Variants in FMN2 observed in about 807,000 individuals in gnomAD.
The protein encoded by FMN2 is formin 2.
FMN2 carries 51 observed loss-of-function variants against 142.3 expected under a neutral mutation model. The observed-to-expected ratio is 0.36, with a 90% CI of 0.29 to 0.45. The LOEUF (loss-of-function observed/expected upper bound fraction) is 0.45. Ranked by LOEUF, FMN2 falls within the 20% of genes least tolerant of loss-of-function variation. The probability of loss-of-function intolerance (pLI) is 1.00; values close to 1 mark genes in which losing one functional copy is unlikely to be tolerated. For missense variants in FMN2, 1,936 were observed against 2,122.8 expected, an observed-to-expected ratio of 0.91 and a Z score of 1.73; for synonymous variants, 882 against 869.8, an observed-to-expected ratio of 1.01 and a Z score of -0.25.
chr1:240,280,366 G>C (rs1160038243), intron 7 of FMN2, among the ~76,000 whole-genome samples: 1 of 151,904 alleles, frequency 6.6e-6, no homozygotes, highest in Non-Finnish European at 1.5e-5. Context: ...ACTGAAAAAA[G>C]ATGATTCTTA....
rs549059667 is a variant in FMN2, at chr1:240,153,553, C to T, written c.1783-24368C>T. On this transcript the variant is annotated intron_variant, in intron 2 of 17. Transcript: ENST00000319653. ...TTATTTATTTATTTTTTTGTAGAGA[C>T]GAGGTCTCACTATGTTGTCCAGGCT... Among the ~76,000 whole-genome samples, 44 of 151,764 alleles carry T rather than the reference C, an allele frequency of 2.9e-4. 1 individual carries two copies. Among genetic ancestry groups the T allele is most frequent in the South Asian group, 1.0e-3 (5 of 4,808 alleles).
rs986866023 is a variant in FMN2 at position 240,142,680 on chromosome 1, T to C, written c.1782+19335T>C. 2.9e-5 allele frequency: 47 copies of C among 1,610,364 alleles called. No individual in the cohort carries two copies. In the African/African-American group the frequency reaches 5.2e-4, roughly 18 times the overall value. On this transcript the variant is annotated intron_variant, in intron 2 of 17. Transcript: ENST00000319653. ...CCTGGTGGTCACTTAGAGATCATAA[T>C]TGGGGTTCTTCCGAAGGATAACAAA...
At chr1:240,149,601 T>C (rs1042888717) in intron 2 of FMN2, among the ~76,000 whole-genome samples, 6 of 152,248 alleles carry the variant, frequency 3.9e-5, no homozygotes, top group Non-Finnish European at 8.8e-5. Flanking sequence ...CAGTCAAAAA[T>C]AGAACTCCTC....
chr1:240,126,154 C>A (rs1335455723), intron 2 of FMN2, among the ~76,000 whole-genome samples: 1 of 152,126 alleles, frequency 6.6e-6, no homozygotes, highest in East Asian at 1.9e-4. Context: ...TATAATGATA[C>A]AGGGGGTTCT....
At chr1:240,111,637 T>C (rs1336262674) in intron 1 of FMN2, among the ~76,000 whole-genome samples, 1 of 152,120 alleles carries the variant, frequency 6.6e-6, no homozygotes. Flanking sequence ...TTTACTGCAA[T>C]CTGTCTTATC....
chr1:240,393,547 A>G (rs1673678575), intron 15 of FMN2, among the ~76,000 whole-genome samples: 1 of 152,226 alleles, frequency 6.6e-6, no homozygotes, highest in African/African-American at 2.4e-5. Flanking sequence ...ATTACCCAAC[A>G]GTGGCCTCTA....
chr1:240,248,671 C>T lies in FMN2; in HGVS notation c.4066-9274C>T, dbSNP rs1439993936. ...CTATTTTTAGTTTTTTGAAATATTT[C>T]CATATTGTTTTCCATAGTGACTGTA... On this transcript the variant is annotated intron_variant, in intron 6 of 17. Transcript: ENST00000319653. Among the ~76,000 whole-genome samples the T allele has an allele frequency of 1.3e-5, 2 of 151,666 alleles. 1 individual carries two copies. Among genetic ancestry groups the T allele is most frequent in the Admixed American group, 1.3e-4 (2 of 15,210 alleles).
At chr1:240,170,135 C>T in intron 2 of FMN2, 1 of 671,646 alleles carries the variant, frequency 1.5e-6, no homozygotes, top group Non-Finnish European at 2.6e-6. Context: ...CATTAATATA[C>T]AGTCCATCCC....
chr1:240,157,106 A>G (rs1007043475), intron 2 of FMN2, among the ~76,000 whole-genome samples: 3 of 152,206 alleles, frequency 2.0e-5, no homozygotes, highest in African/African-American at 7.2e-5. Context: ...AGTCTACCGC[A>G]CAGCTTACAT....
rs142717626 is a variant in FMN2, at chr1:240,361,822, A to G, written c.4858+5914A>G. 2.0e-3 allele frequency among the ~76,000 whole-genome samples: 300 copies of G among 152,342 alleles called. 1 individual carries two copies. Among genetic ancestry groups the G allele is most frequent in the African/African-American group, 6.6e-3 (273 of 41,576 alleles). On this transcript the variant is annotated intron_variant, in intron 14 of 17. Coordinates refer to ENST00000319653, the MANE Select transcript of FMN2 (RefSeq NM_020066.5). ...GATGTGGTCACCTAGGAGGTTAAGA[A>G]AAATTAGATCCAGGGATAGTATTCT... is the stretch of plus-strand genomic sequence containing the variant.
chr1:240,220,962 G>A (rs1667090805), intron 6 of FMN2, among the ~76,000 whole-genome samples: 1 of 152,056 alleles, frequency 6.6e-6, no homozygotes. Context: ...GTGAGAACAT[G>A]CAGTATTTGG....
At chr1:240,430,550 C>A (rs1025731152) in intron 15 of FMN2, among the ~76,000 whole-genome samples, 49 of 151,768 alleles carry the variant, frequency 3.2e-4, no homozygotes, top group Non-Finnish European at 7.4e-5. Context: ...CTTTTTGTGT[C>A]TTATGTAATA....
intron 3 of FMN2, among the ~76,000 whole-genome samples, chr1:240,187,152 C>T (rs1293658768): frequency 2.0e-5 from 3 of 150,036 alleles, no homozygotes; most frequent in Non-Finnish European, 3.0e-5. Flanking sequence ...TGCCTATAAT[C>T]CCAGCTATTC....
At chr1:240,440,924 C>T (rs1422748576) in intron 16 of FMN2, among the ~76,000 whole-genome samples, 2 of 151,654 alleles carry the variant, frequency 1.3e-5, no homozygotes, top group African/African-American at 4.9e-5. Flanking sequence ...CCACAGAGCC[C>T]TTCTAAGGGT....
chr1:240,287,846 G>A (rs1180416108), intron 7 of FMN2, among the ~76,000 whole-genome samples: 1 of 152,150 alleles, frequency 6.6e-6, no homozygotes, highest in Non-Finnish European at 1.5e-5. Context: ...GGTCCATTCT[G>A]CAGATGAGGA....
chr1:240,435,872 G>A (rs1022687208), intron 15 of FMN2, among the ~76,000 whole-genome samples: 1 of 152,148 alleles, frequency 6.6e-6, no homozygotes, highest in African/African-American at 2.4e-5. Context: ...AGGTGGGCTT[G>A]CTCTGAAATA....
In FMN2 at chr1:240,357,709, G is replaced by C. The variant is rs987522045; in HGVS notation, c.4858+1801G>C. Among the ~76,000 whole-genome samples, 3 of 150,802 alleles carry C rather than the reference G, an allele frequency of 2.0e-5. No homozygotes were observed. In the Admixed American group the frequency reaches 2.0e-4, roughly 10 times the overall value. On this transcript the variant is annotated intron_variant, in intron 14 of 17. Coordinates refer to ENST00000319653, the MANE Select transcript of FMN2 (RefSeq NM_020066.5). ...TGCAACCTCCACCTCCCAGGTTCAA[G>C]TGATTCTCCTGCCTCAGCCTCCCGA...
At chr1:240,114,689 C>T (rs1164812841) in intron 1 of FMN2, among the ~76,000 whole-genome samples, 3 of 144,598 alleles carry the variant, frequency 2.1e-5, no homozygotes, top group African/African-American at 7.8e-5. Flanking sequence ...CAGAGTCTCA[C>T]ACTCTGTCGC....
intron 2 of FMN2, chr1:240,154,846 C>CCTTCCTTCCTTCCTTCCT (rs1558325359): frequency 0.011 from 878 of 81,252 alleles, 10 homozygotes; most frequent in African/African-American, 0.04. Flanking sequence ...CCTTCCTTCC[C>CCTTCCTTCCTTCCTTCCT]TCCCTCCCTC....
Sources: allele counts gnomAD v4.1 joint callset (sites outside exome capture counted in the v4.1 genomes callset), GRCh38; gene constraint gnomAD v4.1.1; transcripts MANE v1.5; gene names NCBI Gene and HGNC (gene_info 2026-07-23, HGNC 2026-07-21).